PLXNA2: variants seen among roughly 807,000 people sequenced by gnomAD.
PLXNA2 encodes the protein plexin A2, also known as plexin-A2.
PLXNA2 carries 91 observed loss-of-function variants against 193.5 expected under a neutral mutation model. That is an observed-to-expected ratio of 0.47 (90% confidence interval 0.40 to 0.56). The LOEUF (loss-of-function observed/expected upper bound fraction) is 0.56. PLXNA2 is among the 20% of genes least tolerant of loss of function. The pLI is 0.00. For synonymous variants in PLXNA2, 997 were observed against 1,027.3 expected (o/e 0.97, Z 0.56); for missense variants, 1,995 against 2,503.2 (o/e 0.80, Z 4.33).
rs544505239 is a variant in PLXNA2 at position 208,118,640 on chromosome 1, C to A, written c.1507-15393G>T. On this transcript the variant is annotated intron_variant, in intron 4 of 31. Transcript: ENST00000367033. ...TCTACCTTCCTCACAGCTTTCTATT[C>A]CTGACCTCCCTGAATGGCTGCCTCA... 3.3e-5 allele frequency among the ~76,000 whole-genome samples: 5 copies of A among 152,266 alleles called. No individual in the cohort carries two copies. In the South Asian group the frequency reaches 8.3e-4, roughly 25 times the overall value.
Position 208,038,623 on chromosome 1 carries a change from T to A in PLXNA2, c.4661-149A>T. ...GAGGCTAGAGACATCTAGGGCTCCA[T>A]GGGCCCAGGCAGCAGAGGAAACACG... On this transcript the variant is annotated intron_variant, in intron 25 of 31. Transcript: ENST00000367033. The surrounding 1 kb of genome is among the most constrained non-coding windows in gnomAD (Gnocchi z 4.1). The A allele has an allele frequency of 1.3e-6, 1 of 790,578 alleles. No homozygotes were observed. The highest frequency in any genetic ancestry group is 2.1e-6 in the Non-Finnish European group (1 of 476,962). 49.0% of individuals were successfully genotyped at this position (790,578 alleles called of 1,614,324 possible).
At chr1:208,059,373 C>G (rs1665542837) in intron 13 of PLXNA2, among the ~76,000 whole-genome samples, 1 of 152,226 alleles carries the variant, frequency 6.6e-6, no homozygotes, top group African/African-American at 2.4e-5. Context: ...AGGATCAGAC[C>G]TGAAGGATCT....
Position 208,028,172 on chromosome 1 carries a change from G to A in PLXNA2, c.5439-13C>T. On this transcript the variant is annotated splice_polypyrimidine_tract_variant and intron_variant, in intron 30 of 31. Coordinates refer to ENST00000367033, the MANE Select transcript of PLXNA2 (RefSeq NM_025179.4). This position sits in a 1 kb window ranked among gnomAD's most constrained non-coding sequence, Gnocchi z 4.2. ...GTCTGCGTAGTATCTGCCAGAGACA[G>A]GATAGGCGCCTTGGTGGAGGCCTCA... The A allele has an allele frequency of 6.3e-7, 1 of 1,598,084 alleles. No homozygotes were observed. Among genetic ancestry groups the A allele is most frequent in the Non-Finnish European group, 8.5e-7 (1 of 1,172,148 alleles).
chr1:208,210,271 G>A lies in PLXNA2; in HGVS notation c.1371+9C>T, dbSNP rs986791328. On this transcript the variant is annotated intron_variant, in intron 3 of 31. Transcript: ENST00000367033. The stretch of plus-strand genomic sequence containing the variant: ...TGGCATTGGAGCATCTGAACTCATA[G>A]ACTCTTACCTTTTTCAGCTTGCCAC... 2 of 1,613,588 alleles carry A rather than the reference G, an allele frequency of 1.2e-6. No homozygotes were observed. The highest frequency in any genetic ancestry group is 1.7e-6 in the Non-Finnish European group (2 of 1,179,828).
At chr1:208,125,798 C>T (rs932224926) in intron 4 of PLXNA2, among the ~76,000 whole-genome samples, 2 of 152,168 alleles carry the variant, frequency 1.3e-5, no homozygotes, top group Admixed American at 6.5e-5. Context: ...TAGGCTGCTT[C>T]CAACCTGCAT....
rs1004682768 is a variant in PLXNA2, at chr1:208,060,815, G to A, written c.2609C>T (p.Pro870Leu). Reference protein sequence around the residue: ...ITEILTVSGPPEGGTRVTIHG... With the variant: ...ITEILTVSGPLEGGTRVTIHG... Reference sequence around the variant, plus strand: ...GATGGTCACTCGCGTCCCTCCTTCCGGCGGTCCAGACACCGTCAAAATCTG... The same window carrying A: ...GATGGTCACTCGCGTCCCTCCTTCCAGCGGTCCAGACACCGTCAAAATCTG... Residue 870 changes from proline to leucine, a missense_variant, in exon 13 of 32, where the codon CCG becomes CTG. Around this residue, in one of 3 missense-constraint regions of PLXNA2, gnomAD observed 1,291 missense variants for 1,673.6 expected, o/e 0.77. Transcript: ENST00000367033. 5.0e-6 allele frequency: 8 copies of A among 1,613,886 alleles called. No individual in the cohort carries two copies. The highest frequency in any genetic ancestry group is 1.1e-5 in the South Asian group (1 of 91,064).
intron 3 of PLXNA2, among the ~76,000 whole-genome samples, chr1:208,178,696 C>A (rs956513382): frequency 3.3e-5 from 5 of 152,088 alleles, no homozygotes; most frequent in African/African-American, 1.2e-4. Context: ...CAGGAGGATG[C>A]GAGGAGAAGA....
At chr1:208,109,016 G>A (rs998312127) in intron 4 of PLXNA2, among the ~76,000 whole-genome samples, 25 of 149,094 alleles carry the variant, frequency 1.7e-4, no homozygotes, top group Admixed American at 6.7e-4. Context: ...TTCTTCCCTG[G>A]AATCTTCCCT....
At chr1:208,181,975 C>T (rs74153098) in intron 3 of PLXNA2, among the ~76,000 whole-genome samples, 3,785 of 152,266 alleles carry the variant, frequency 0.025, 159 homozygotes, top group African/African-American at 0.085. Context: ...CCTCCCTGCT[C>T]TAGCTGCTAT....
chr1:208,233,504 A>C (rs1671756189), intron 1 of PLXNA2, among the ~76,000 whole-genome samples: 1 of 152,212 alleles, frequency 6.6e-6, no homozygotes, highest in Non-Finnish European at 1.5e-5. Flanking sequence ...GGGGGCCCGC[A>C]GTGGAAGTCA....
chr1:208,027,153 C>G lies in PLXNA2; in HGVS notation c.*90G>C, dbSNP rs984041729. On this transcript the variant is annotated 3_prime_UTR_variant, in exon 32 of 32. Transcript: ENST00000367033. The stretch of plus-strand genomic sequence containing the variant: ...TCTCAGGGGACAGCAAGCTCTGGGG[C>G]CTGATCCCCATCACTTGTCCTTCCA... 3.4e-6 allele frequency: 4 copies of G among 1,171,094 alleles called. No homozygotes were observed. In the East Asian group the frequency reaches 9.5e-5, roughly 28 times the overall value. 72.5% of individuals were successfully genotyped at this position (1,171,094 alleles called of 1,614,324 possible). A position where few individuals can be genotyped will look rare whatever the true frequency, so the allele number is the denominator to read the frequency against.
Position 208,236,432 on chromosome 1 carries a change from G to C in PLXNA2, c.-81+7211C>G, listed in dbSNP as rs1278576703. Reference sequence around the variant, plus strand: ...CCACTTCTGTCTGCCCGCTGGTCCTGCTGCCTCTATAAGGCAAGGCAGGGC... The same window carrying C: ...CCACTTCTGTCTGCCCGCTGGTCCTCCTGCCTCTATAAGGCAAGGCAGGGC... On this transcript the variant is annotated intron_variant, in intron 1 of 31. Transcript: ENST00000367033. The surrounding 1 kb of genome is among the most constrained non-coding windows in gnomAD (Gnocchi z 4.4). Among the ~76,000 whole-genome samples, 1 of 152,172 alleles carries C rather than the reference G, an allele frequency of 6.6e-6. No individual in the cohort carries two copies. Among genetic ancestry groups the C allele is most frequent in the East Asian group, 1.9e-4 (1 of 5,198 alleles).
rs1170840689 is a variant in PLXNA2 at position 208,038,913 on chromosome 1, G to T, written c.4572C>A (p.Thr1524=). Residue 1524 remains threonine, a synonymous_variant, in exon 25 of 32, where the codon ACC becomes ACA. Coordinates refer to ENST00000367033, the MANE Select transcript of PLXNA2 (RefSeq NM_025179.4). This position sits in a 1 kb window ranked among gnomAD's most constrained non-coding sequence, Gnocchi z 4.1. Reference sequence around the variant, plus strand: ...GAATCTTCTCCTTGACCTGTGTGATGGTGTCACAGTTTAACACCTTCACTG... The same window carrying T: ...GAATCTTCTCCTTGACCTGTGTGATTGTGTCACAGTTTAACACCTTCACTG... ...EIPVKVLNCD[T]ITQVKEKILD... The T allele has an allele frequency of 1.2e-6, 2 of 1,613,888 alleles. No homozygotes were observed. The highest frequency in any genetic ancestry group is 3.3e-5 in the Admixed American group (2 of 60,020).
At chr1:208,137,772 C>A (rs1033294548) in intron 4 of PLXNA2, among the ~76,000 whole-genome samples, 1 of 152,170 alleles carries the variant, frequency 6.6e-6, no homozygotes, top group Non-Finnish European at 1.5e-5. Flanking sequence ...TTCTTAATTA[C>A]ATTTAATTAA....
intron 2 of PLXNA2, among the ~76,000 whole-genome samples, chr1:208,210,906 T>C (rs1670921578): frequency 6.6e-6 from 1 of 152,176 alleles, no homozygotes; most frequent in Admixed American, 6.5e-5. Flanking sequence ...GGGTTTCTTG[T>C]TTGTTTCTTG....
intron 29 of PLXNA2, chr1:208,030,807 C>T: frequency 1.0e-6 from 1 of 985,430 alleles, no homozygotes; most frequent in East Asian, 1.1e-4. Flanking sequence ...CCAAAGGAAG[C>T]CTTTTGATGC....
intron 1 of PLXNA2, among the ~76,000 whole-genome samples, chr1:208,238,276 T>C (rs961676079): frequency 5.9e-5 from 9 of 152,210 alleles, no homozygotes; most frequent in African/African-American, 2.2e-4. Flanking sequence ...AAGTTGAACT[T>C]TCCAAGGGCA....
At chr1:208,146,541 G>A (rs140294078) in intron 3 of PLXNA2, among the ~76,000 whole-genome samples, 2 of 152,288 alleles carry the variant, frequency 1.3e-5, no homozygotes, top group East Asian at 1.9e-4. Context: ...GTTTAAGTCT[G>A]TGATTTTTCT....
intron 1 of PLXNA2, among the ~76,000 whole-genome samples, chr1:208,220,617 T>G (rs1396597247): frequency 2.0e-5 from 3 of 149,396 alleles, no homozygotes; most frequent in African/African-American, 7.4e-5. Flanking sequence ...TTTTTTTTTG[T>G]ATTTTTAGTA....
Sources: allele counts gnomAD v4.1 joint callset (sites outside exome capture counted in the v4.1 genomes callset), GRCh38; gene constraint gnomAD v4.1.1; regional missense constraint gnomAD v4.1.1; non-coding constraint Gnocchi (gnomAD v3.1); transcripts MANE v1.5; gene names NCBI Gene and HGNC (gene_info 2026-07-23, HGNC 2026-07-21).